The following DENND5B variants were observed in gnomAD, a reference collection of about 807,000 sequenced individuals.
DENND5B encodes the protein DENN domain containing 5B.
Under a neutral mutation model 140.6 loss-of-function variants are expected in DENND5B, and 34 were observed. That is an observed-to-expected ratio of 0.24 (90% CI 0.18 to 0.32). The LOEUF (loss-of-function observed/expected upper bound fraction) is 0.32, where lower values mean the gene tolerates loss of function less well. DENND5B is among the 10% of genes least tolerant of loss of function. DENND5B has a pLI of 1.00. For synonymous variants in DENND5B, 551 were observed against 562.1 expected, an observed-to-expected ratio of 0.98 and a Z score of 0.28; for missense variants, 1,142 against 1,560.2, an observed-to-expected ratio of 0.73 and a Z score of 4.52.
chr12:31,547,157 T>C (rs570536465), intron 1 of DENND5B, among the ~76,000 whole-genome samples: 19 of 152,356 alleles, frequency 1.2e-4, no homozygotes, highest in African/African-American at 2.2e-4. Flanking sequence ...TTTGCACTTA[T>C]TGTTGTGTTA....
At chr12:31,564,292 T>G (rs1331016993) in intron 1 of DENND5B, among the ~76,000 whole-genome samples, 1 of 152,030 alleles carries the variant, frequency 6.6e-6, no homozygotes, top group Non-Finnish European at 1.5e-5. Flanking sequence ...TCTTTATTGA[T>G]TACATCCTCA....
At chr12:31,405,743 TTATCATCTTG>T (rs1942094359) in intron 14 of DENND5B, among the ~76,000 whole-genome samples, 1 of 151,920 alleles carries the variant, frequency 6.6e-6, no homozygotes, top group Non-Finnish European at 1.5e-5. Flanking sequence ...AGACGGGGTT[TTATCATCTTG>T]GCCAGGCTGG....
rs372657171 is a variant in DENND5B, at chr12:31,479,879, T to C, written c.614A>G (p.Lys205Arg). ...CTTGTAAAGCTGGATAAGGAATTTC[T>C]TGCAGGCCTGCATGAATGGTAACGG... ...ITPLPFMQAC[K>R]KFLIQLYKAV... The change falls in exon 3 of 21, where the codon AAG becomes AGG. Residue 205 changes from lysine (K) to arginine (R), a missense_variant. Physicochemically the swap from Lys to Arg is conservative, Grantham distance 26. Around this residue, in one of 5 missense-constraint regions of DENND5B, gnomAD observed 708 missense variants for 905.5 expected, o/e 0.78. Transcript: ENST00000389082. The C allele has an allele frequency of 5.0e-6, 8 of 1,613,880 alleles. No individual in the cohort carries two copies. In the African/African-American group the frequency reaches 9.3e-5, roughly 19 times the overall value.
intron 13 of DENND5B, among the ~76,000 whole-genome samples, chr12:31,411,304 T>C (rs576332669): frequency 4.3e-4 from 65 of 149,518 alleles, no homozygotes; most frequent in Non-Finnish European, 8.2e-4. Flanking sequence ...TCCCAAACTG[T>C]AGGATTACAG....
At chr12:31,543,914 A>G (rs1340210750) in intron 1 of DENND5B, among the ~76,000 whole-genome samples, 2 of 152,226 alleles carry the variant, frequency 1.3e-5, no homozygotes, top group Non-Finnish European at 2.9e-5. Flanking sequence ...CACGCCTGTA[A>G]TTCCAGCACT....
At chr12:31,488,459 C>T (rs1461289753) in intron 2 of DENND5B, among the ~76,000 whole-genome samples, 1 of 152,156 alleles carries the variant, frequency 6.6e-6, no homozygotes, top group South Asian at 2.1e-4. Context: ...CTTGAGCGCA[C>T]ATTCAAACAT....
intron 1 of DENND5B, among the ~76,000 whole-genome samples, chr12:31,580,707 A>G (rs529395433): frequency 8.4e-4 from 128 of 152,190 alleles, no homozygotes; most frequent in African/African-American, 3.0e-3. Flanking sequence ...GTTGGTGAGC[A>G]TGCTCACAAA....
intron 11 of DENND5B, among the ~76,000 whole-genome samples, chr12:31,416,284 T>A (rs190078192): frequency 1.6e-4 from 25 of 152,054 alleles, no homozygotes; most frequent in Admixed American, 1.4e-3. Context: ...TTAAATATAG[T>A]CTTGCTCTGT....
rs150894915 is a variant in DENND5B, at chr12:31,423,139, C to T, written c.2470+458G>A. Among the ~76,000 whole-genome samples, 58 of 152,176 alleles carry T rather than the reference C, an allele frequency of 3.8e-4. No individual in the cohort carries two copies. The East Asian group carries it at 0.01, about 26-fold the overall frequency. On this transcript the variant is annotated intron_variant, in intron 11 of 20. Coordinates refer to ENST00000389082, the MANE Select transcript of DENND5B (RefSeq NM_144973.4). ...CATTTTTTGTAGAGATGGGGTTTCACCGTGTTGGCCAGGCTGGTCTCAAAC... is the reference window on the plus strand; with the variant it reads ...CATTTTTTGTAGAGATGGGGTTTCATCGTGTTGGCCAGGCTGGTCTCAAAC...
intron 1 of DENND5B, among the ~76,000 whole-genome samples, chr12:31,544,381 A>C (rs879496134): frequency 6.6e-6 from 1 of 152,172 alleles, no homozygotes; most frequent in Non-Finnish European, 1.5e-5. Flanking sequence ...TCCAGGGCTC[A>C]AGCAATCCTC....
At chr12:31,417,132 G>T (rs1461148942) in intron 11 of DENND5B, among the ~76,000 whole-genome samples, 2 of 149,760 alleles carry the variant, frequency 1.3e-5, no homozygotes, top group Non-Finnish European at 1.5e-5. Context: ...CGAGGCGGGC[G>T]GATCATGAGG....
At chr12:31,561,614 T>C (rs1035243900) in intron 1 of DENND5B, among the ~76,000 whole-genome samples, 4 of 152,236 alleles carry the variant, frequency 2.6e-5, no homozygotes, top group Non-Finnish European at 5.9e-5. Flanking sequence ...CACCTCAATT[T>C]ATAGTAAAGA....
chr12:31,423,965 T>C (rs1943132051), intron 10 of DENND5B, among the ~76,000 whole-genome samples: 1 of 152,202 alleles, frequency 6.6e-6, no homozygotes. Context: ...TTGTATGTAA[T>C]TAGGGCTGTC....
intron 7 of DENND5B, among the ~76,000 whole-genome samples, chr12:31,435,373 G>C (rs1943698365): frequency 6.6e-6 from 1 of 152,046 alleles, no homozygotes; most frequent in Non-Finnish European, 1.5e-5. Context: ...GCTCAAAACT[G>C]TGTCTTCCAC....
intron 7 of DENND5B, among the ~76,000 whole-genome samples, chr12:31,441,832 C>T (rs1944048966): frequency 6.6e-6 from 1 of 152,086 alleles, no homozygotes; most frequent in African/African-American, 2.4e-5. Flanking sequence ...AGGTGCACAT[C>T]ACCATGCCCA....
chr12:31,523,489 A>G (rs1473296945), intron 1 of DENND5B, among the ~76,000 whole-genome samples: 8 of 152,200 alleles, frequency 5.3e-5, no homozygotes, highest in Admixed American at 1.3e-4. Flanking sequence ...GTAAGGCAAC[A>G]TATCTCTCAT....
chr12:31,558,728 CAGT>C (rs1193514914), intron 1 of DENND5B, among the ~76,000 whole-genome samples: 2 of 152,122 alleles, frequency 1.3e-5, no homozygotes, highest in African/African-American at 4.8e-5. Flanking sequence ...GGCTTAATTT[CAGT>C]AGTAGAACCC....
intron 1 of DENND5B, among the ~76,000 whole-genome samples, chr12:31,544,958 C>T (rs906601581): frequency 6.6e-6 from 1 of 151,240 alleles, no homozygotes; most frequent in Non-Finnish European, 1.5e-5. Flanking sequence ...AAATATGGGA[C>T]ATTCTACAGG....
intron 14 of DENND5B, 83 bp downstream of exon 14, chr12:31,409,180 G>T (rs1942303157): frequency 2.2e-6 from 3 of 1,370,434 alleles, no homozygotes; most frequent in Non-Finnish European, 2.9e-6. Flanking sequence ...ATGTACTATG[G>T]CATATCTTGC....
Sources: gnomAD v4.1 joint callset for allele counts (sites outside exome capture counted in the v4.1 genomes callset) on GRCh38, gnomAD v4.1.1 for gene constraint, gnomAD v4.1.1 regional missense constraint, MANE v1.5 for transcripts, NCBI Gene and HGNC (gene_info 2026-07-23, HGNC 2026-07-21) for gene names.